The following DMRT1 variants were observed in gnomAD, a reference collection of about 807,000 sequenced individuals.
The protein encoded by DMRT1 is doublesex- and mab-3-related transcription factor 1.
A neutral mutation model predicts 32.3 loss-of-function variants in DMRT1; 7 were observed. The observed-to-expected ratio is 0.22, with a 90% confidence interval of 0.12 to 0.41. The LOEUF (loss-of-function observed/expected upper bound fraction) is 0.41, where lower values mean the gene tolerates loss of function less well. Ranked by LOEUF, DMRT1 falls within the 10% of genes least tolerant of loss-of-function variation. The pLI is 1.00. For synonymous variants in DMRT1, 278 were observed against 206.1 expected (o/e 1.35, Z -2.99); for missense variants, 625 against 500.5 (o/e 1.25, Z -2.37).
chr9:918,446 G>A (rs112811830), intron 4 of DMRT1, among the ~76,000 whole-genome samples: 1,676 of 151,202 alleles, frequency 0.011, 28 homozygotes, highest in African/African-American at 0.038. Context: ...AGAGAGGAGC[G>A]AATTTGGAGA....
Position 965,978 on chromosome 9 carries a change from C to G in DMRT1, c.968-2007C>G, listed in dbSNP as rs1819918080. On this transcript the variant is annotated intron_variant, in intron 4 of 4. Coordinates refer to ENST00000382276, the MANE Select transcript of DMRT1 (RefSeq NM_021951.3). This position sits in a 1 kb window ranked among gnomAD's most constrained non-coding sequence, Gnocchi z 4.5. ...AGTCAGTAATGTTTACTGTTCTTCTCCATAGCTTCTATACAGAGAAACTTC... is the reference window on the plus strand; with the variant it reads ...AGTCAGTAATGTTTACTGTTCTTCTGCATAGCTTCTATACAGAGAAACTTC... Among the ~76,000 whole-genome samples, 1 of 152,138 alleles carries G rather than the reference C, an allele frequency of 6.6e-6. No individual in the cohort carries two copies.
chr9:941,629 A>G (rs1399754108), intron 4 of DMRT1, among the ~76,000 whole-genome samples: 2 of 152,218 alleles, frequency 1.3e-5, no homozygotes, highest in African/African-American at 4.8e-5. Context: ...ATGGTTACAC[A>G]GCAGCCTGAA....
chr9:875,768 G>T (rs1422147415), intron 2 of DMRT1, among the ~76,000 whole-genome samples: 2 of 147,558 alleles, frequency 1.4e-5, no homozygotes, highest in Admixed American at 1.3e-4. Flanking sequence ...GCATGTGTGT[G>T]TATGTATGTA....
chr9:889,175 C>T (rs1162343300), intron 2 of DMRT1, among the ~76,000 whole-genome samples: 1 of 152,102 alleles, frequency 6.6e-6, no homozygotes, highest in East Asian at 1.9e-4. Context: ...TTAATTTCAA[C>T]CTTTCCATGT....
chr9:909,618 A>G (rs746782330), intron 3 of DMRT1, among the ~76,000 whole-genome samples: 2 of 152,210 alleles, frequency 1.3e-5, no homozygotes, highest in Admixed American at 6.5e-5. Flanking sequence ...TACCTTTATA[A>G]AAAGGTTTCT....
intron 2 of DMRT1, among the ~76,000 whole-genome samples, chr9:861,808 G>GCGA (rs1815701113): frequency 6.8e-6 from 1 of 147,040 alleles, no homozygotes; most frequent in Admixed American, 6.7e-5. Flanking sequence ...TGCCGGGCGG[G>GCGA]GGGGGGCTCC....
intron 4 of DMRT1, among the ~76,000 whole-genome samples, chr9:919,781 A>T (rs1452307801): frequency 6.6e-6 from 1 of 152,188 alleles, no homozygotes; most frequent in Non-Finnish European, 1.5e-5. Context: ...GCAAAAGAAG[A>T]TGGTGGCTGA....
chr9:950,143 G>T (rs1395603275), intron 4 of DMRT1, among the ~76,000 whole-genome samples: 2 of 152,004 alleles, frequency 1.3e-5, no homozygotes, highest in African/African-American at 2.4e-5. Flanking sequence ...GTGGAAAGAT[G>T]TGGGAATTTG....
At chr9:846,220 A>G (rs1838897838) in intron 1 of DMRT1, among the ~76,000 whole-genome samples, 1 of 151,256 alleles carries the variant, frequency 6.6e-6, no homozygotes, top group Admixed American at 6.6e-5. Context: ...TTTAGTGGAG[A>G]TGGGGTTTCA....
rs796783872 is a variant in DMRT1, at chr9:897,558, C to T, written c.822+3363C>T. On this transcript the variant is annotated intron_variant, in intron 3 of 4. Transcript: ENST00000382276. ...AGTGAGCTATGATTACACTACTGGA[C>T]TCCAGCCTGGGTAACAGAGCAAGAC... Among the ~76,000 whole-genome samples, 24 of 151,488 alleles carry T rather than the reference C, an allele frequency of 1.6e-4. 1 individual carries two copies. Among genetic ancestry groups the T allele is most frequent in the African/African-American group, 5.8e-4 (24 of 41,202 alleles).
intron 4 of DMRT1, among the ~76,000 whole-genome samples, chr9:939,194 A>G (rs899659346): frequency 6.6e-6 from 1 of 152,180 alleles, no homozygotes; most frequent in Admixed American, 6.5e-5. Context: ...TAGATAGTTC[A>G]GCTTCTTCCT....
At chr9:925,471 C>A (rs1818491058) in intron 4 of DMRT1, among the ~76,000 whole-genome samples, 1 of 152,138 alleles carries the variant, frequency 6.6e-6, no homozygotes, top group African/African-American at 2.4e-5. Context: ...GCCGGAGGGT[C>A]AGGGGTGCTT....
chr9:959,527 T>G lies in DMRT1; in HGVS notation c.968-8458T>G, dbSNP rs189574220. 1.1e-3 allele frequency among the ~76,000 whole-genome samples: 162 copies of G among 152,294 alleles called. 2 individuals are homozygous for G. Among genetic ancestry groups the G allele is most frequent in the African/African-American group, 3.6e-3 (148 of 41,554 alleles). ...GGTTTTATTGTTGTTGTTGTTGTTT[T>G]GTTTTGTTTTTTGTTTTTTGAGATG... On this transcript the variant is annotated intron_variant, in intron 4 of 4. Transcript: ENST00000382276.
At chr9:845,173 T>C (rs1412061850) in intron 1 of DMRT1, among the ~76,000 whole-genome samples, 2 of 152,176 alleles carry the variant, frequency 1.3e-5, no homozygotes, top group Non-Finnish European at 1.5e-5. Flanking sequence ...AAAAATACAA[T>C]TAATTTTCTT....
rs1222250367 is a variant in DMRT1 at position 851,043 on chromosome 9, AAAG to A, written c.538+3903_538+3905del. On this transcript the variant is annotated intron_variant, in intron 2 of 4. Transcript: ENST00000382276. Reference sequence around the variant, plus strand: ...GACTCTATCTCAAAAAAAAAAAAAAAAAGAAAGAAAAATAGACGTGGAAGGCTA... The same window carrying A: ...GACTCTATCTCAAAAAAAAAAAAAAAAAAGAAAAATAGACGTGGAAGGCTA... Among the ~76,000 whole-genome samples, 57 of 52,264 alleles carry A rather than the reference AAAG, an allele frequency of 1.1e-3. 1 individual carries two copies. Among genetic ancestry groups the A allele is most frequent in the South Asian group, 1.4e-3 (2 of 1,392 alleles). The allele number at this position is 52,264 out of a possible 152,430, so 34.3% of individuals were successfully genotyped here. A position where few individuals can be genotyped will look rare whatever the true frequency, so the allele number is the denominator to read the frequency against.
intron 4 of DMRT1, among the ~76,000 whole-genome samples, chr9:938,256 T>G (rs1247181734): frequency 1.3e-5 from 2 of 152,212 alleles, no homozygotes; most frequent in African/African-American, 4.8e-5. Context: ...GGCTATTTGA[T>G]GTGCCTTGGA....
intron 4 of DMRT1, among the ~76,000 whole-genome samples, chr9:951,524 A>T (rs1819426703): frequency 6.6e-6 from 1 of 152,196 alleles, no homozygotes; most frequent in Admixed American, 6.5e-5. Context: ...CCCTGCCCCT[A>T]AAGATGACAT....
At chr9:946,287 A>G (rs112722685) in intron 4 of DMRT1, among the ~76,000 whole-genome samples, 2,280 of 152,272 alleles carry the variant, frequency 0.015, 60 homozygotes, top group African/African-American at 0.052. Context: ...CAATCCTAGC[A>G]GCAATGTATT....
intron 4 of DMRT1, among the ~76,000 whole-genome samples, chr9:934,756 C>G (rs1259842084): frequency 1.3e-5 from 2 of 152,142 alleles, no homozygotes; most frequent in Admixed American, 1.3e-4. Context: ...CTCCTTTCCT[C>G]CATTAAATGG....
Sources: allele counts gnomAD v4.1 joint callset (sites outside exome capture counted in the v4.1 genomes callset), GRCh38; gene constraint gnomAD v4.1.1; non-coding constraint Gnocchi (gnomAD v3.1); transcripts MANE v1.5; gene names NCBI Gene and HGNC (gene_info 2026-07-23, HGNC 2026-07-21).